Variants in KDM4C observed in about 807,000 individuals in gnomAD.
KDM4C encodes the protein lysine demethylase 4C.
KDM4C carries 81 observed loss-of-function variants against 129.3 expected under a neutral mutation model. The ratio of observed to expected loss-of-function variants is 0.63; its 90% CI spans 0.52 to 0.75. The LOEUF is 0.75. Among genes scored for constraint, KDM4C ranks in the 30% least tolerant of loss-of-function variants. KDM4C has a pLI of 0.00. For missense variants in KDM4C, 1,457 were observed against 1,304.0 expected (o/e 1.12, Z -1.81); for synonymous variants, 573 against 456.1 (o/e 1.26, Z -3.26).
At chr9:6,968,469 G>C (rs1831391538) in intron 8 of KDM4C, among the ~76,000 whole-genome samples, 1 of 152,152 alleles carries the variant, frequency 6.6e-6, no homozygotes, top group African/African-American at 2.4e-5. Flanking sequence ...GCTTAGTCAG[G>C]TCTTCTCAGA....
At chr9:7,135,183 G>A (rs1286493370) in intron 19 of KDM4C, among the ~76,000 whole-genome samples, 2 of 152,202 alleles carry the variant, frequency 1.3e-5, no homozygotes, top group East Asian at 1.9e-4. Context: ...GAGAAAGTAT[G>A]TCGTTGCCCT....
intron 8 of KDM4C, among the ~76,000 whole-genome samples, chr9:6,895,842 C>T (rs1207723756): frequency 2.6e-5 from 4 of 152,208 alleles, no homozygotes; most frequent in East Asian, 1.9e-4. Context: ...GAGATAGTTT[C>T]GAATGTTTCA....
chr9:7,063,757 A>T (rs1175650046), intron 17 of KDM4C, among the ~76,000 whole-genome samples: 1 of 152,228 alleles, frequency 6.6e-6, no homozygotes, highest in Non-Finnish European at 1.5e-5. Context: ...TGGAAGAAAC[A>T]GTGCCTAATA....
chr9:6,769,741 C>T (rs1185529562), intron 1 of KDM4C, among the ~76,000 whole-genome samples: 1 of 151,000 alleles, frequency 6.6e-6, no homozygotes, highest in Non-Finnish European at 1.5e-5. Context: ...CCTCCTGCTC[C>T]AAGAGCAAGC....
chr9:7,132,692 G>A (rs947129329), intron 19 of KDM4C, among the ~76,000 whole-genome samples: 8 of 152,186 alleles, frequency 5.3e-5, no homozygotes, highest in Non-Finnish European at 8.8e-5. Flanking sequence ...TACTCAATGA[G>A]CATAAAGATT....
At chr9:7,136,778 G>A (rs535310441) in intron 19 of KDM4C, among the ~76,000 whole-genome samples, 1 of 152,006 alleles carries the variant, frequency 6.6e-6, no homozygotes, top group East Asian at 1.9e-4. Flanking sequence ...GTCTTGTTTT[G>A]TCACTTTCTT....
intron 4 of KDM4C, among the ~76,000 whole-genome samples, chr9:6,844,903 G>A (rs561177940): frequency 6.6e-6 from 1 of 152,256 alleles, no homozygotes; most frequent in African/African-American, 2.4e-5. Context: ...GGTCAGCCTG[G>A]TCTTGAACTC....
At chr9:7,122,289 A>T (rs570447949) in intron 18 of KDM4C, among the ~76,000 whole-genome samples, 2 of 104,954 alleles carry the variant, frequency 1.9e-5, no homozygotes, top group Non-Finnish European at 4.3e-5. Context: ...TCTCTCTTAA[A>T]CAGCCAGATC....
chr9:6,746,739 T>C (rs1281113063), intron 1 of KDM4C, among the ~76,000 whole-genome samples: 2 of 148,098 alleles, frequency 1.4e-5, no homozygotes, highest in South Asian at 2.2e-4. Flanking sequence ...CCAGGCGCGG[T>C]GGCTCACGCC....
chr9:6,765,290 G>GT (rs1161352590), intron 1 of KDM4C, among the ~76,000 whole-genome samples: 3 of 152,084 alleles, frequency 2.0e-5, no homozygotes, highest in Non-Finnish European at 4.4e-5. Flanking sequence ...TGAATGTGCT[G>GT]TTTTTTGCCT....
intron 18 of KDM4C, chr9:7,105,524 G>C: frequency 4.3e-6 from 2 of 466,680 alleles, no homozygotes; most frequent in Non-Finnish European, 4.5e-6. Context: ...TTCCTGTTTC[G>C]AGGATAAGAA....
At chr9:6,846,478 GTT>G (rs997781552) in intron 4 of KDM4C, among the ~76,000 whole-genome samples, 28 of 152,276 alleles carry the variant, frequency 1.8e-4, no homozygotes, top group African/African-American at 6.7e-4. Flanking sequence ...TGTGGAGCCT[GTT>G]TTTGGAGTCA....
At chr9:6,855,509 A>G (rs1839657052) in intron 5 of KDM4C, among the ~76,000 whole-genome samples, 1 of 148,058 alleles carries the variant, frequency 6.8e-6, no homozygotes, top group Admixed American at 6.7e-5. Flanking sequence ...AGTATAACGG[A>G]TTTTTCCCAG....
chr9:6,763,768 T>C (rs563585307), intron 1 of KDM4C, among the ~76,000 whole-genome samples: 2 of 152,310 alleles, frequency 1.3e-5, no homozygotes, highest in South Asian at 4.1e-4. Flanking sequence ...GCACTTTTTC[T>C]TTTTTTGAGA....
chr9:7,078,072 A>G (rs553825740), intron 17 of KDM4C, among the ~76,000 whole-genome samples: 5 of 152,354 alleles, frequency 3.3e-5, no homozygotes, highest in African/African-American at 1.2e-4. Context: ...AAGACAAATT[A>G]TATCCAGAAT....
At chr9:7,130,659 C>G (rs984857997) in intron 19 of KDM4C, among the ~76,000 whole-genome samples, 1 of 152,232 alleles carries the variant, frequency 6.6e-6, no homozygotes, top group Non-Finnish European at 1.5e-5. Flanking sequence ...GTGGCCACAA[C>G]TGTTGCCCTG....
At chr9:6,741,022 A>T (rs936548086) in intron 1 of KDM4C, among the ~76,000 whole-genome samples, 6 of 151,642 alleles carry the variant, frequency 4.0e-5, no homozygotes, top group South Asian at 2.1e-4. Flanking sequence ...ATAGGGTTTC[A>T]CTATGTTGGC....
intron 15 of KDM4C, among the ~76,000 whole-genome samples, chr9:7,043,547 G>A (rs1365250272): frequency 2.6e-5 from 4 of 151,952 alleles, no homozygotes; most frequent in Non-Finnish European, 5.9e-5. Context: ...TTAATCATAG[G>A]CATGTAATGA....
intron 1 of KDM4C, among the ~76,000 whole-genome samples, chr9:6,787,933 A>G (rs1825814250): frequency 6.6e-6 from 1 of 152,080 alleles, no homozygotes; most frequent in African/African-American, 2.4e-5. Flanking sequence ...GTAAATGCCA[A>G]ACTCCTTTTC....
Sources: gnomAD v4.1 joint callset for allele counts (sites outside exome capture counted in the v4.1 genomes callset) on GRCh38, gnomAD v4.1.1 for gene constraint, MANE v1.5 for transcripts, NCBI Gene and HGNC (gene_info 2026-07-23, HGNC 2026-07-21) for gene names.